BSPRY: variants seen among roughly 807,000 people sequenced by gnomAD.
BSPRY encodes B-box and SPRY domain containing.
BSPRY carries 33 observed loss-of-function variants against 38.0 expected under a neutral mutation model. That is an observed-to-expected ratio of 0.87 (90% confidence interval 0.66 to 1.16). BSPRY has a LOEUF of 1.16. BSPRY is among the 50% of genes most tolerant of loss of function. The probability of loss-of-function intolerance (pLI) is 0.00; values close to 1 mark genes in which losing one functional copy is unlikely to be tolerated. For synonymous variants in BSPRY, 224 were observed against 228.5 expected, an observed-to-expected ratio of 0.98 and a Z score of 0.18; for missense variants, 523 against 533.2, an observed-to-expected ratio of 0.98 and a Z score of 0.19.
chr9:113,362,322 TG>T (rs1383689732), intron 3 of BSPRY, 46 bp from the exon 4 acceptor site: 3 of 1,611,474 alleles, frequency 1.9e-6, no homozygotes, highest in Non-Finnish European at 1.7e-6. Context: ...ATTGACTCCC[TG>T]CTGGGTATCT....
intron 3 of BSPRY, among the ~76,000 whole-genome samples, chr9:113,362,126 A>G (rs1834163593): frequency 6.6e-6 from 1 of 151,380 alleles, no homozygotes; most frequent in South Asian, 2.1e-4. Flanking sequence ...GGAATCCAGG[A>G]TGCCCTGGGA....
In BSPRY at chr9:113,354,296, G is replaced by A. The variant is rs1834021670; in HGVS notation, c.258G>A (p.Lys86=). Residue 86 remains lysine (K), a synonymous_variant, in exon 2 of 6, where the codon AAG becomes AAA. Transcript: ENST00000374183. The part of the protein sequence containing the change: ...RLQLQSAAIT[K]YVADVLPGKN... ...AGTTACAGAGTGCTGCCATCACCAA[G>A]TATGTGGCGGACGTCCTGCCGGGGA... is the stretch of plus-strand genomic sequence containing the variant. 1 of 1,614,064 alleles carries A rather than the reference G, an allele frequency of 6.2e-7. No individual in the cohort carries two copies. The highest frequency in any genetic ancestry group is 1.3e-5 in the African/African-American group (1 of 74,902).
intron 4 of BSPRY, among the ~76,000 whole-genome samples, chr9:113,363,737 G>T (rs1303453110): frequency 4.0e-5 from 6 of 151,610 alleles, no homozygotes; most frequent in African/African-American, 1.2e-4. Flanking sequence ...CAAAAATTAG[G>T]TGTGGTGGTG....
In BSPRY at chr9:113,370,256, T is replaced by A. The variant is rs1834326214; in HGVS notation, c.*114T>A. 1 of 1,286,992 alleles carries A rather than the reference T, an allele frequency of 7.8e-7. No homozygotes were observed. Among genetic ancestry groups the A allele is most frequent in the Non-Finnish European group, 1.1e-6 (1 of 941,670 alleles). The allele number at this position is 1,286,992 out of a possible 1,614,324, so 79.7% of individuals were successfully genotyped here. A position where few individuals can be genotyped will look rare whatever the true frequency, so the allele number is the denominator to read the frequency against. Reference sequence around the variant, plus strand: ...GTGTTTCTAAGAGAAACAGGGCCCATAACCAGTGGGCAGCTTTAGGAGGGA... The same window carrying A: ...GTGTTTCTAAGAGAAACAGGGCCCAAAACCAGTGGGCAGCTTTAGGAGGGA... On this transcript the variant is annotated 3_prime_UTR_variant, in exon 6 of 6. Coordinates refer to ENST00000374183, the MANE Select transcript of BSPRY (RefSeq NM_017688.3). This position sits in a 1 kb window ranked among gnomAD's most constrained non-coding sequence, Gnocchi z 4.8.
chr9:113,352,235 A>G (rs773024539), intron 1 of BSPRY, among the ~76,000 whole-genome samples: 1 of 152,194 alleles, frequency 6.6e-6, no homozygotes, highest in Non-Finnish European at 1.5e-5. Flanking sequence ...ATATTTATTC[A>G]GGGCCTTCTA....
At chr9:113,363,026 CTTA>C (rs1421001055) in intron 4 of BSPRY, among the ~76,000 whole-genome samples, 2 of 152,228 alleles carry the variant, frequency 1.3e-5, no homozygotes, top group East Asian at 3.9e-4. Context: ...GTCCATTCTT[CTTA>C]TTTATTTACT....
At chr9:113,352,155 C>T (rs1006829293) in intron 1 of BSPRY, among the ~76,000 whole-genome samples, 1 of 152,152 alleles carries the variant, frequency 6.6e-6, no homozygotes, top group African/African-American at 2.4e-5. Flanking sequence ...GGATGATGCT[C>T]ATAGCTTTGA....
chr9:113,350,045 A>G (rs904380955), intron 1 of BSPRY, among the ~76,000 whole-genome samples: 9 of 152,214 alleles, frequency 5.9e-5, no homozygotes, highest in African/African-American at 2.2e-4. Context: ...GACAACAACA[A>G]TAATAATAGC....
chr9:113,357,886 C>CTA (rs59328879), intron 2 of BSPRY, among the ~76,000 whole-genome samples: 18 of 96,812 alleles, frequency 1.9e-4, no homozygotes, highest in Admixed American at 2.2e-4. Flanking sequence ...CTGTAGAGTT[C>CTA]TATATATATA....
intron 4 of BSPRY, among the ~76,000 whole-genome samples, chr9:113,364,020 T>C (rs989095926): frequency 2.7e-5 from 4 of 150,152 alleles, no homozygotes; most frequent in African/African-American, 9.8e-5. Context: ...GAAAGAAACC[T>C]ATTAAAAATA....
At chr9:113,357,142 C>A (rs1257720693) in intron 2 of BSPRY, among the ~76,000 whole-genome samples, 3 of 152,154 alleles carry the variant, frequency 2.0e-5, no homozygotes, top group Non-Finnish European at 4.4e-5. Flanking sequence ...AACCAGCGAA[C>A]GGGGACCAAG....
At chr9:113,352,411 G>T (rs775063631) in intron 1 of BSPRY, among the ~76,000 whole-genome samples, 2 of 151,990 alleles carry the variant, frequency 1.3e-5, no homozygotes, top group African/African-American at 4.8e-5. Flanking sequence ...GTAAGAGATT[G>T]GGTGAGGAGG....
intron 2 of BSPRY, among the ~76,000 whole-genome samples, chr9:113,358,977 A>G (rs999621587): frequency 1.3e-5 from 2 of 152,162 alleles, no homozygotes; most frequent in African/African-American, 4.8e-5. Context: ...GCAGTGAGCT[A>G]TGATTGTGCC....
In BSPRY at chr9:113,349,577, GC is replaced by G; in HGVS notation, c.-1del. The stretch of plus-strand genomic sequence containing the variant: ...GTGGAGCGCACGGGGCGGGCGCACG[GC>G]CATGTCCGCCGAGGGCGCGGAGCCG... On this transcript the variant is annotated 5_prime_UTR_variant, in exon 1 of 6. Transcript: ENST00000374183. 1 of 1,161,740 alleles carries G rather than the reference GC, an allele frequency of 8.6e-7. No individual in the cohort carries two copies. 72.0% of individuals were successfully genotyped at this position (1,161,740 alleles called of 1,614,324 possible). A position where few individuals can be genotyped will look rare whatever the true frequency, so the allele number is the denominator to read the frequency against.
chr9:113,358,134 A>G (rs1384279775), intron 2 of BSPRY, among the ~76,000 whole-genome samples: 2 of 150,622 alleles, frequency 1.3e-5, no homozygotes, highest in Non-Finnish European at 3.0e-5. Context: ...TATAGTCCCA[A>G]CTATTTGGGA....
At chr9:113,365,265 A>T (rs980787729) in intron 4 of BSPRY, among the ~76,000 whole-genome samples, 4 of 151,686 alleles carry the variant, frequency 2.6e-5, no homozygotes, top group African/African-American at 4.8e-5. Flanking sequence ...GTCCCTTCAG[A>T]CTTTCTCCCA....
intron 4 of BSPRY, among the ~76,000 whole-genome samples, chr9:113,364,805 G>A (rs1210711513): frequency 6.6e-6 from 1 of 152,042 alleles, no homozygotes; most frequent in Non-Finnish European, 1.5e-5. Context: ...GTAAATTAAG[G>A]AAATTTAACA....
chr9:113,366,025 G>A (rs1266014460), intron 4 of BSPRY, among the ~76,000 whole-genome samples: 1 of 151,916 alleles, frequency 6.6e-6, no homozygotes, highest in East Asian at 1.9e-4. Flanking sequence ...GGCTGGTCTC[G>A]AACTCTTGAC....
At position 113,355,713 on chromosome 9, in the gene BSPRY, C is replaced by T. The variant is rs538828086; in HGVS notation, c.300+1375C>T. On this transcript the variant is annotated intron_variant, in intron 2 of 5. Transcript: ENST00000374183. ...CACTGAAACCTCCGTCTCCTGGGTT[C>T]GAGCGATTCTCCTGCTTCAGCCTCC... Among the ~76,000 whole-genome samples the T allele has an allele frequency of 4.6e-5, 7 of 151,622 alleles. No homozygotes were observed. The South Asian group carries it at 1.5e-3, about 32-fold the overall frequency.
Sources: allele counts gnomAD v4.1 joint callset (sites outside exome capture counted in the v4.1 genomes callset), GRCh38; gene constraint gnomAD v4.1.1; non-coding constraint Gnocchi (gnomAD v3.1); transcripts MANE v1.5; gene names NCBI Gene and HGNC (gene_info 2026-07-23, HGNC 2026-07-21).